Variants in NMU observed in about 807,000 individuals in gnomAD.
NMU encodes the protein neuromedin U, also known as neuromedin-U.
A neutral mutation model predicts 35.4 loss-of-function variants in NMU; 29 were observed. That is an observed-to-expected ratio of 0.82 (90% confidence interval 0.61 to 1.12). The LOEUF (loss-of-function observed/expected upper bound fraction) is 1.12. NMU is among the 50% of genes most tolerant of loss of function. The pLI, the probability that NMU is intolerant of heterozygous loss-of-function variation, is 0.00. For synonymous variants in NMU, 78 were observed against 81.3 expected, an observed-to-expected ratio of 0.96 and a Z score of 0.22; for missense variants, 199 against 206.2, an observed-to-expected ratio of 0.97 and a Z score of 0.21.
rs747697728 is a variant in NMU, at chr4:55,630,479, C to T, written c.113-19G>A. 19 of 1,587,168 alleles carry T rather than the reference C, an allele frequency of 1.2e-5. No individual in the cohort carries two copies. Among genetic ancestry groups the T allele is most frequent in the Middle Eastern group, 1.7e-4 (1 of 5,860 alleles). ...GGAGCACCTAAAAATAAAGTTGTAGCCACAGATTAATTTTATAGCATTTCT... is the reference window on the plus strand; with the variant it reads ...GGAGCACCTAAAAATAAAGTTGTAGTCACAGATTAATTTTATAGCATTTCT... On this transcript the variant is annotated intron_variant, in intron 1 of 9. Transcript: ENST00000264218.
chr4:55,608,107 G>A (rs1360741851), intron 4 of NMU, among the ~76,000 whole-genome samples: 3 of 148,306 alleles, frequency 2.0e-5, no homozygotes, highest in South Asian at 2.1e-4. Flanking sequence ...CCTGGGAGGC[G>A]GAGCTTGCAG....
At chr4:55,618,687 TTTCTTCTCTCTCTTC>T (rs1438463127) in intron 2 of NMU, among the ~76,000 whole-genome samples, 2 of 128,196 alleles carry the variant, frequency 1.6e-5, no homozygotes, top group African/African-American at 2.7e-5. Flanking sequence ...TTCTTCTCTC[TTTCTTCTCTCTCTTC>T]TTTCTTTTTC....
chr4:55,636,413 C>T, upstream of NMU: 1 of 603,134 alleles, frequency 1.7e-6, no homozygotes, highest in Non-Finnish European at 2.5e-6. This position sits in a 1 kb window ranked among gnomAD's most constrained non-coding sequence, Gnocchi z 4.0. Flanking sequence ...CGCCTCACCC[C>T]GCCCCGCTGC....
At position 55,607,431 on chromosome 4, in the gene NMU, T is replaced by G. The variant is rs1488819431; in HGVS notation, c.309+6A>C. The G allele has an allele frequency of 9.2e-7, 1 of 1,092,030 alleles. No homozygotes were observed. The allele number at this position is 1,092,030 out of a possible 1,614,324, so 67.6% of individuals were successfully genotyped here. ...ATAAGGTATAGATGTATGAAAATCATCTTACCCTTTTAGTATTATCTTTTT... is the reference window on the plus strand; with the variant it reads ...ATAAGGTATAGATGTATGAAAATCAGCTTACCCTTTTAGTATTATCTTTTT... On this transcript the variant is annotated splice_donor_region_variant and intron_variant, in intron 5 of 9. Transcript: ENST00000264218.
chr4:55,598,451 T>G (rs1382788967), intron 9 of NMU, among the ~76,000 whole-genome samples: 3 of 152,216 alleles, frequency 2.0e-5, no homozygotes, highest in Admixed American at 2.0e-4. Flanking sequence ...TAGAATACAC[T>G]TTTATTTCTG....
intron 2 of NMU, among the ~76,000 whole-genome samples, chr4:55,624,229 G>A (rs1217150236): frequency 2.0e-5 from 2 of 99,750 alleles, no homozygotes; most frequent in Non-Finnish European, 4.3e-5. Flanking sequence ...GAGTGAACAG[G>A]CAACCTACAA....
chr4:55,614,591 T>C lies in NMU; in HGVS notation c.219+1747A>G, dbSNP rs190272154. Among the ~76,000 whole-genome samples the C allele has an allele frequency of 7.5e-3, 1,144 of 152,320 alleles. 7 individuals are homozygous for C. The highest frequency in any genetic ancestry group is 8.7e-3 in the Non-Finnish European group (590 of 68,010). Reference sequence around the variant, plus strand: ...AATTTCACATGTAATAAAACAATAATTTTTTAAAGTATTAAATTTATTACA... The same window carrying C: ...AATTTCACATGTAATAAAACAATAACTTTTTAAAGTATTAAATTTATTACA... On this transcript the variant is annotated intron_variant, in intron 3 of 9. Transcript: ENST00000264218.
chr4:55,632,970 GAAA>G (rs57903053), intron 1 of NMU, among the ~76,000 whole-genome samples: 13 of 121,462 alleles, frequency 1.1e-4, no homozygotes, highest in African/African-American at 3.0e-4. Flanking sequence ...TTTCACTGTG[GAAA>G]AAAAAAAAAA....
chr4:55,625,720 C>T (rs10022874), intron 2 of NMU, among the ~76,000 whole-genome samples: 147,347 of 152,108 alleles, frequency 0.97, 71,421 homozygotes, highest in East Asian at 1. Flanking sequence ...GCATATCCTC[C>T]ATTTGTATAT....
intron 6 of NMU, among the ~76,000 whole-genome samples, chr4:55,606,770 T>C (rs1425732823): frequency 6.6e-6 from 1 of 151,364 alleles, no homozygotes; most frequent in Non-Finnish European, 1.5e-5. Flanking sequence ...CTCCACCTCC[T>C]GGGTACAAGC....
At chr4:55,598,833 T>C (rs554886189) in intron 9 of NMU, among the ~76,000 whole-genome samples, 1 of 152,308 alleles carries the variant, frequency 6.6e-6, no homozygotes, top group East Asian at 1.9e-4. Flanking sequence ...TAAATGATGA[T>C]AAGATCAATG....
intron 8 of NMU, among the ~76,000 whole-genome samples, chr4:55,599,506 A>G (rs534390593): frequency 3.9e-5 from 6 of 152,232 alleles, no homozygotes; most frequent in Admixed American, 3.3e-4. Context: ...TTTGATATGA[A>G]CCAAAATGAA....
chr4:55,624,041 T>C (rs76301839), intron 2 of NMU, among the ~76,000 whole-genome samples: 67,488 of 72,652 alleles, frequency 0.93, 31,623 homozygotes, highest in East Asian at 1. Flanking sequence ...AAGAGTTAAA[T>C]GTTAGACCTA....
At chr4:55,599,862 T>A (rs189314944) in intron 8 of NMU, among the ~76,000 whole-genome samples, 5 of 152,166 alleles carry the variant, frequency 3.3e-5, no homozygotes, top group African/African-American at 1.2e-4. Flanking sequence ...TTTGAGCCTA[T>A]CTAAATTCCT....
At chr4:55,635,436 T>A (rs569834569) in intron 1 of NMU, among the ~76,000 whole-genome samples, 83 of 152,316 alleles carry the variant, frequency 5.4e-4, no homozygotes, top group African/African-American at 1.9e-3. Flanking sequence ...AAAGCCTGGC[T>A]TGCACACTTG....
intron 9 of NMU, among the ~76,000 whole-genome samples, chr4:55,598,090 T>G (rs6832978): frequency 0.13 from 305 of 2,372 alleles, no homozygotes; most frequent in African/African-American, 0.25. Context: ...TTGGTTGTGG[T>G]TTTTTTTTTT....
chr4:55,612,430 C>T (rs1224889177), intron 3 of NMU, among the ~76,000 whole-genome samples: 2 of 152,084 alleles, frequency 1.3e-5, no homozygotes, highest in Non-Finnish European at 2.9e-5. Context: ...TCCACTTATG[C>T]TCATTTCAAA....
intron 7 of NMU, among the ~76,000 whole-genome samples, 169 bp from the exon 8 acceptor site, chr4:55,600,744 C>G (rs918014159): frequency 3.9e-5 from 6 of 152,080 alleles, no homozygotes; most frequent in African/African-American, 1.4e-4. Context: ...AAATTTTCAA[C>G]AACTAGCAGT....
At position 55,628,648 on chromosome 4, in the gene NMU, T is replaced by A. The variant is rs1370131899; in HGVS notation, c.171+1754A>T. Among the ~76,000 whole-genome samples the A allele has an allele frequency of 1.5e-3, 230 of 152,004 alleles. 1 individual carries two copies. The highest frequency in any genetic ancestry group is 4.9e-3 in the African/African-American group (202 of 41,494). ...TGAGTAGCTGGGATTACAGGCACCA[T>A]GCCCGGATAATTTTTGTGTTATTAG... On this transcript the variant is annotated intron_variant, in intron 2 of 9. Coordinates refer to ENST00000264218, the MANE Select transcript of NMU (RefSeq NM_006681.4).
Sources: gnomAD v4.1 joint callset for allele counts (sites outside exome capture counted in the v4.1 genomes callset) on GRCh38, gnomAD v4.1.1 for gene constraint, Gnocchi (gnomAD v3.1) non-coding constraint, MANE v1.5 for transcripts, NCBI Gene and HGNC (gene_info 2026-07-23, HGNC 2026-07-21) for gene names.